Variants in SUPT3H observed in about 807,000 individuals in gnomAD.
The protein encoded by SUPT3H is transcription initiation protein SPT3 homolog.
In SUPT3H, 44 loss-of-function variants were observed where a neutral mutation model predicts 44.3. The ratio of observed to expected loss-of-function variants is 0.99; its 90% CI spans 0.78 to 1.28. The LOEUF (loss-of-function observed/expected upper bound fraction) is 1.28, where lower values mean the gene tolerates loss of function less well. Ranked by LOEUF, SUPT3H falls within the 50% of genes most tolerant of loss-of-function variation. The pLI is 0.00. For missense variants in SUPT3H, 380 were observed against 387.1 expected (o/e 0.98, Z 0.15); for synonymous variants, 124 against 125.6 (o/e 0.99, Z 0.09).
intron 3 of SUPT3H, among the ~76,000 whole-genome samples, chr6:45,047,925 ATT>A (rs35916783): frequency 6.8e-5 from 10 of 147,090 alleles, no homozygotes; most frequent in South Asian, 4.3e-4. Flanking sequence ...GTCTTTGCCC[ATT>A]TTTTTTTTTA....
intron 2 of SUPT3H, among the ~76,000 whole-genome samples, chr6:45,311,684 T>C (rs2149991069): frequency 6.6e-6 from 1 of 152,180 alleles, no homozygotes; most frequent in African/African-American, 2.4e-5. Flanking sequence ...AAAACAATCT[T>C]CAGCCAAGAA....
chr6:44,850,362 C>G (rs1772660478), intron 10 of SUPT3H, among the ~76,000 whole-genome samples: 1 of 152,044 alleles, frequency 6.6e-6, no homozygotes, highest in East Asian at 1.9e-4. Context: ...CAGAAATTCC[C>G]TGGTGGGGCT....
At chr6:45,235,765 G>T (rs989062270) in intron 2 of SUPT3H, among the ~76,000 whole-genome samples, 4 of 152,064 alleles carry the variant, frequency 2.6e-5, no homozygotes, top group Non-Finnish European at 5.9e-5. Context: ...GCCATAAGCT[G>T]ACCTCAAAAC....
intron 3 of SUPT3H, among the ~76,000 whole-genome samples, chr6:45,032,778 CTCATAGAACT>C (rs1787138295): frequency 6.6e-6 from 1 of 152,138 alleles, no homozygotes; most frequent in African/African-American, 2.4e-5. Context: ...TGCCCAGGTC[CTCATAGAACT>C]TCAGCCAACT....
intron 9 of SUPT3H, among the ~76,000 whole-genome samples, chr6:44,934,431 G>GT (rs1771088077): frequency 6.6e-6 from 1 of 152,162 alleles, no homozygotes; most frequent in Non-Finnish European, 1.5e-5. Context: ...GAATGAGGCA[G>GT]TTCCCTACAT....
At chr6:44,891,966 T>C (rs958811054) in intron 10 of SUPT3H, among the ~76,000 whole-genome samples, 6 of 152,036 alleles carry the variant, frequency 3.9e-5, no homozygotes, top group South Asian at 2.1e-4. Flanking sequence ...TTGGGGAAAA[T>C]TCCATCAAAA....
At chr6:44,901,288 G>A (rs527273703) in intron 10 of SUPT3H, among the ~76,000 whole-genome samples, 11 of 152,216 alleles carry the variant, frequency 7.2e-5, no homozygotes, top group Middle Eastern at 3.4e-3. Context: ...AAAATTAGAC[G>A]AATGGCTAAC....
At chr6:44,999,412 T>C (rs1562230909) in intron 6 of SUPT3H, among the ~76,000 whole-genome samples, 1 of 151,966 alleles carries the variant, frequency 6.6e-6, no homozygotes, top group Non-Finnish European at 1.5e-5. Context: ...TGGTGTTTTG[T>C]AACGATTTTC....
chr6:45,114,956 G>A (rs995648037), intron 2 of SUPT3H, among the ~76,000 whole-genome samples: 1 of 152,088 alleles, frequency 6.6e-6, no homozygotes, highest in Admixed American at 6.5e-5. Flanking sequence ...AGAACTCATT[G>A]TACAACAACA....
intron 2 of SUPT3H, among the ~76,000 whole-genome samples, chr6:45,270,455 G>A (rs1005196830): frequency 1.3e-5 from 2 of 152,110 alleles, no homozygotes; most frequent in African/African-American, 4.8e-5. Context: ...TAAGTCTCAC[G>A]AGATCTGACG....
chr6:45,200,295 T>C (rs116550379), intron 2 of SUPT3H, among the ~76,000 whole-genome samples: 4 of 151,420 alleles, frequency 2.6e-5, no homozygotes, highest in African/African-American at 9.7e-5. Context: ...AAATATTGTT[T>C]GTATAACTGC....
At chr6:45,040,505 G>T (rs1356995330) in intron 3 of SUPT3H, among the ~76,000 whole-genome samples, 1 of 152,170 alleles carries the variant, frequency 6.6e-6, no homozygotes, top group African/African-American at 2.4e-5. Flanking sequence ...CGGAAATGTT[G>T]ACAGTTAATT....
intron 2 of SUPT3H, among the ~76,000 whole-genome samples, chr6:45,107,327 G>A (rs1799424466): frequency 6.6e-6 from 1 of 152,192 alleles, no homozygotes. Context: ...TACCGAACTA[G>A]TAGAGAATTC....
At chr6:45,105,838 T>C in intron 3 of SUPT3H, 84 bp downstream of exon 3, 2 of 1,059,392 alleles carry the variant, frequency 1.9e-6, no homozygotes, top group Non-Finnish European at 2.8e-6. Flanking sequence ...CAGCTGTAAA[T>C]AAAATGTTTT....
intron 2 of SUPT3H, among the ~76,000 whole-genome samples, chr6:45,235,938 C>T (rs748455642): frequency 3.3e-5 from 5 of 152,154 alleles, no homozygotes; most frequent in Non-Finnish European, 5.9e-5. Flanking sequence ...ATGGCATGAG[C>T]GATCTGTGCC....
intron 8 of SUPT3H, among the ~76,000 whole-genome samples, chr6:44,953,729 A>G (rs935531152): frequency 1.3e-5 from 2 of 151,912 alleles, no homozygotes; most frequent in African/African-American, 4.8e-5. Context: ...TGCTTATTTT[A>G]TTTTATTTTA....
At chr6:45,143,776 TAAAC>T (rs1335097905) in intron 2 of SUPT3H, among the ~76,000 whole-genome samples, 1 of 151,766 alleles carries the variant, frequency 6.6e-6, no homozygotes, top group Non-Finnish European at 1.5e-5. Flanking sequence ...TTTGAAAAGA[TAAAC>T]AAAATAGATA....
intron 2 of SUPT3H, among the ~76,000 whole-genome samples, chr6:45,149,102 T>C (rs1806529659): frequency 6.6e-6 from 1 of 152,212 alleles, no homozygotes; most frequent in Non-Finnish European, 1.5e-5. Context: ...TAATATACAG[T>C]AGTTGTAACT....
intron 10 of SUPT3H, among the ~76,000 whole-genome samples, chr6:44,900,883 G>T (rs1166990914): frequency 6.6e-6 from 1 of 152,202 alleles, no homozygotes. Context: ...CTGTTCTGCA[G>T]CCTCCGCTTT....
Sources: allele counts gnomAD v4.1 joint callset (sites outside exome capture counted in the v4.1 genomes callset), GRCh38; gene constraint gnomAD v4.1.1; transcripts MANE v1.5; gene names NCBI Gene and HGNC (gene_info 2026-07-23, HGNC 2026-07-21).